Variants in OSBPL9 observed in about 807,000 individuals in gnomAD.
The protein encoded by OSBPL9 is oxysterol binding protein like 9.
OSBPL9 carries 40 observed loss-of-function variants against 106.6 expected under a neutral mutation model. The observed-to-expected ratio is 0.38, with a 90% CI of 0.29 to 0.49. The LOEUF is 0.49. Among genes scored for constraint, OSBPL9 ranks in the 20% least tolerant of loss-of-function variants. The probability of loss-of-function intolerance (pLI) is 0.97; values close to 1 mark genes in which losing one functional copy is unlikely to be tolerated. For synonymous variants in OSBPL9, 269 were observed against 295.4 expected, an observed-to-expected ratio of 0.91 and a Z score of 0.92; for missense variants, 609 against 887.2, an observed-to-expected ratio of 0.69 and a Z score of 3.98.
chr1:51,783,795 T>G, intron 17 of OSBPL9, 120 bp from the exon 18 acceptor site: 1 of 710,246 alleles, frequency 1.4e-6, no homozygotes, highest in Non-Finnish European at 2.4e-6. Context: ...CCTGGCGTAA[T>G]TGGAGGCTGT....
chr1:51,730,584 A>G (rs990123884), intron 4 of OSBPL9, among the ~76,000 whole-genome samples: 1 of 152,206 alleles, frequency 6.6e-6, no homozygotes, highest in African/African-American at 2.4e-5. Context: ...ACTTTGGTAT[A>G]GTTTTATGGG....
chr1:51,683,779 C>T (rs1653141576), intron 3 of OSBPL9, among the ~76,000 whole-genome samples: 2 of 150,014 alleles, frequency 1.3e-5, no homozygotes, highest in Admixed American at 1.3e-4. Flanking sequence ...GGCGACAGAG[C>T]AAGACTCTGT....
chr1:51,779,059 GAGTA>G (rs1472254916), intron 15 of OSBPL9, among the ~76,000 whole-genome samples: 1 of 151,856 alleles, frequency 6.6e-6, no homozygotes, highest in South Asian at 2.2e-4. Context: ...GTTTGCCTCA[GAGTA>G]AGTAAGATGT....
the OSBPL9 span, among the ~76,000 whole-genome samples, chr1:51,534,290 C>T: frequency 1.3e-5 from 2 of 151,580 alleles, no homozygotes; most frequent in Non-Finnish European, 2.9e-5. Flanking sequence ...ATTTTATTCT[C>T]CATCATGTCC....
chr1:51,557,079 A>G, the OSBPL9 span, among the ~76,000 whole-genome samples: 1 of 152,038 alleles, frequency 6.6e-6, no homozygotes, highest in Non-Finnish European at 1.5e-5. Flanking sequence ...GTACCCCATA[A>G]GTATATATAC....
chr1:51,718,188 A>G (rs899327190), intron 4 of OSBPL9, among the ~76,000 whole-genome samples: 1 of 152,190 alleles, frequency 6.6e-6, no homozygotes, highest in African/African-American at 2.4e-5. Flanking sequence ...GAATAGAATT[A>G]TGGTTACCAG....
intron 1 of OSBPL9, among the ~76,000 whole-genome samples, chr1:51,620,980 G>A (rs886291762): frequency 3.9e-5 from 6 of 152,020 alleles, no homozygotes; most frequent in Non-Finnish European, 5.9e-5. Context: ...CACTTGCCTC[G>A]GCCTCCCAGA....
chr1:51,724,325 C>G (rs767614093), intron 4 of OSBPL9, among the ~76,000 whole-genome samples: 30 of 152,088 alleles, frequency 2.0e-4, no homozygotes, highest in Non-Finnish European at 3.5e-4. Context: ...ACTCTGTCGC[C>G]TGGGCTGGAG....
At chr1:51,665,895 C>T (rs1254222953) in intron 2 of OSBPL9, among the ~76,000 whole-genome samples, 1 of 152,128 alleles carries the variant, frequency 6.6e-6, no homozygotes, top group Non-Finnish European at 1.5e-5. Context: ...CGCTCTGTCA[C>T]CCAGGCTGGA....
At chr1:51,560,017 G>A in the OSBPL9 span, among the ~76,000 whole-genome samples, 1 of 152,122 alleles carries the variant, frequency 6.6e-6, no homozygotes, top group Non-Finnish European at 1.5e-5. Flanking sequence ...TTACATACAT[G>A]ACCTCCTTGT....
chr1:51,751,024 T>G lies in OSBPL9; in HGVS notation c.543+829T>G, dbSNP rs2149027021. Reference sequence around the variant, plus strand: ...ATAGGACAGTCCATTTGCATTTGGATAGTAAGGATATTTAGCTTATAAATT... The same window carrying G: ...ATAGGACAGTCCATTTGCATTTGGAGAGTAAGGATATTTAGCTTATAAATT... On this transcript the variant is annotated intron_variant, in intron 8 of 23. Coordinates refer to ENST00000428468, the MANE Select transcript of OSBPL9 (RefSeq NM_024586.6). Among the ~76,000 whole-genome samples, 4 of 152,340 alleles carry G rather than the reference T, an allele frequency of 2.6e-5. No individual in the cohort carries two copies. In the East Asian group the frequency reaches 5.8e-4, roughly 22 times the overall value.
At position 51,776,978 on chromosome 1, in the gene OSBPL9, C is replaced by G. The variant is rs1195699416; in HGVS notation, c.1256+60C>G. ...CAGATGTTACTCAGCAGCTTTCTGCCTTTTATTTTGCAGGATAGATGGATT... is the reference window on the plus strand; with the variant it reads ...CAGATGTTACTCAGCAGCTTTCTGCGTTTTATTTTGCAGGATAGATGGATT... On this transcript the variant is annotated intron_variant, in intron 15 of 23. Coordinates refer to ENST00000428468, the MANE Select transcript of OSBPL9 (RefSeq NM_024586.6). 5.3e-6 allele frequency: 7 copies of G among 1,322,910 alleles called. No homozygotes were observed. In the East Asian group the frequency reaches 1.6e-4, roughly 30 times the overall value. 81.9% of individuals were successfully genotyped at this position (1,322,910 alleles called of 1,614,324 possible). A position where few individuals can be genotyped will look rare whatever the true frequency, so the allele number is the denominator to read the frequency against.
chr1:51,616,869 G>T, upstream of OSBPL9: 1 of 550,956 alleles, frequency 1.8e-6, no homozygotes, highest in Non-Finnish European at 3.0e-6. Context: ...CTAATCCCAT[G>T]ACAGATTATA....
At chr1:51,759,124 A>G (rs1448473264) in intron 9 of OSBPL9, among the ~76,000 whole-genome samples, 2 of 150,978 alleles carry the variant, frequency 1.3e-5, no homozygotes, top group East Asian at 1.9e-4. Flanking sequence ...TTTTTTTTTA[A>G]TTATTACTGA....
intron 2 of OSBPL9, among the ~76,000 whole-genome samples, chr1:51,655,485 A>C (rs1175062866): frequency 6.6e-6 from 1 of 152,216 alleles, no homozygotes; most frequent in Non-Finnish European, 1.5e-5. Context: ...TCAGCTGCAG[A>C]AAATGCTCTG....
At chr1:51,632,814 G>A (rs879486393) in intron 1 of OSBPL9, among the ~76,000 whole-genome samples, 3 of 152,028 alleles carry the variant, frequency 2.0e-5, no homozygotes, top group Admixed American at 2.0e-4. Context: ...AGAGGAGTAA[G>A]TTTAAATTTC....
intron 3 of OSBPL9, among the ~76,000 whole-genome samples, chr1:51,682,361 G>A (rs1396382860): frequency 3.3e-5 from 5 of 152,172 alleles, no homozygotes; most frequent in African/African-American, 9.7e-5. Flanking sequence ...AGTATGTTGA[G>A]GAGATATGTA....
chr1:51,575,742 T>C (rs1645180086), upstream of OSBPL9, among the ~76,000 whole-genome samples: 1 of 152,186 alleles, frequency 6.6e-6, no homozygotes, highest in South Asian at 2.1e-4. Flanking sequence ...TTAAAGGCAC[T>C]TATAAAACAG....
At chr1:51,529,247 T>TG in the OSBPL9 span, among the ~76,000 whole-genome samples, 2 of 152,120 alleles carry the variant, frequency 1.3e-5, no homozygotes, top group African/African-American at 4.8e-5. Context: ...TCCTGATTTT[T>TG]TTTTTTTTTG....
Sources: gnomAD v4.1 joint callset for allele counts (sites outside exome capture counted in the v4.1 genomes callset) on GRCh38, gnomAD v4.1.1 for gene constraint, MANE v1.5 for transcripts, NCBI Gene and HGNC (gene_info 2026-07-23, HGNC 2026-07-21) for gene names.